Variants in LYST observed in about 807,000 individuals in gnomAD.
The protein encoded by LYST is lysosomal-trafficking regulator.
In LYST, 192 loss-of-function variants were observed where a neutral mutation model predicts 413.6. The observed-to-expected ratio is 0.46, with a 90% CI of 0.41 to 0.52. The LOEUF (loss-of-function observed/expected upper bound fraction) is 0.52, where lower values mean the gene tolerates loss of function less well. Among genes scored for constraint, LYST ranks in the 20% least tolerant of loss-of-function variants. LYST has a pLI of 0.00. For synonymous variants in LYST, 1,525 were observed against 1,567.3 expected, an observed-to-expected ratio of 0.97 and a Z score of 0.64; for missense variants, 3,815 against 4,499.9, an observed-to-expected ratio of 0.85 and a Z score of 4.35.
intron 12 of LYST, among the ~76,000 whole-genome samples, chr1:235,791,287 A>T (rs1670960853): frequency 6.6e-6 from 1 of 152,118 alleles, no homozygotes; most frequent in Non-Finnish European, 1.5e-5. Context: ...TCTCAAAAAA[A>T]AAGAGAGAGA....
chr1:235,751,857 G>T, intron 27 of LYST, 148 bp downstream of exon 27: 3 of 648,802 alleles, frequency 4.6e-6, no homozygotes, highest in Non-Finnish European at 7.7e-6. Flanking sequence ...GCCTTTTTAG[G>T]CTTCTTTTTA....
chr1:235,741,699 G>A, intron 30 of LYST, 71 bp from the exon 31 acceptor site: 1 of 1,103,768 alleles, frequency 9.1e-7, no homozygotes, highest in Non-Finnish European at 1.4e-6. Context: ...CCTCAACACA[G>A]CCCTAAAGAA....
Position 235,805,991 on chromosome 1 carries a change from G to T in LYST, c.3145C>A (p.Pro1049Thr), listed in dbSNP as rs1442783633. The change falls in exon 6 of 53, where the codon CCA becomes ACA. Residue 1049 changes from proline (P) to threonine (T), a missense_variant. Around this residue, in one of 4 missense-constraint regions of LYST, gnomAD observed 1,648 missense variants for 1,810.3 expected, o/e 0.91. Coordinates refer to ENST00000389793, the MANE Select transcript of LYST (RefSeq NM_000081.4). ...LSLAIKSDPI[P>T]SELGSLKKSA... ...TTTTTTAGACTACCTAGTTCTGATGGTATGGGGTCACTTTTTATAGCCAAA... is the reference window on the plus strand; with the variant it reads ...TTTTTTAGACTACCTAGTTCTGATGTTATGGGGTCACTTTTTATAGCCAAA... The T allele has an allele frequency of 1.2e-6, 2 of 1,613,544 alleles. No individual in the cohort carries two copies. Among genetic ancestry groups the T allele is most frequent in the Non-Finnish European group, 1.7e-6 (2 of 1,179,718 alleles).
At chr1:235,741,774 T>G (rs905197087) in intron 30 of LYST, 146 bp from the exon 31 acceptor site, 2 of 685,518 alleles carry the variant, frequency 2.9e-6, no homozygotes, top group Non-Finnish European at 5.2e-6. Flanking sequence ...GATATACATA[T>G]CCATACACAT....
chr1:235,701,191 A>G (rs1488328108), intron 45 of LYST, among the ~76,000 whole-genome samples: 2 of 152,222 alleles, frequency 1.3e-5, no homozygotes, highest in Non-Finnish European at 2.9e-5. Flanking sequence ...GTGGGAATGA[A>G]GCAGGCTGGT....
chr1:235,867,950 C>T (rs1024127456), upstream of LYST, among the ~76,000 whole-genome samples: 2 of 152,170 alleles, frequency 1.3e-5, no homozygotes, highest in African/African-American at 2.4e-5. Flanking sequence ...TGTCCCAAGC[C>T]TATATACCAA....
chr1:235,837,769 G>T (rs1417048511), intron 1 of LYST, among the ~76,000 whole-genome samples: 2 of 152,018 alleles, frequency 1.3e-5, no homozygotes, highest in Non-Finnish European at 2.9e-5. Flanking sequence ...GTGAGGAAAT[G>T]AAGGCAAGCA....
intron 48 of LYST, among the ~76,000 whole-genome samples, chr1:235,681,356 G>A (rs1032844744): frequency 6.6e-6 from 1 of 152,146 alleles, no homozygotes; most frequent in Non-Finnish European, 1.5e-5. Context: ...AGGTAGAGGG[G>A]GCAGTGAGGC....
intron 25 of LYST, among the ~76,000 whole-genome samples, chr1:235,755,243 G>T (rs1462105109): frequency 6.6e-6 from 1 of 151,872 alleles, no homozygotes; most frequent in Non-Finnish European, 1.5e-5. Flanking sequence ...CAAAAAACTA[G>T]CCGGGCATGG....
chr1:235,788,940 T>C (rs1400150251), intron 12 of LYST, 95 bp from the exon 13 acceptor site: 5 of 1,100,192 alleles, frequency 4.5e-6, no homozygotes, highest in Non-Finnish European at 6.9e-6. Flanking sequence ...ATTTGTTCAT[T>C]TGTAGTAGGT....
At chr1:235,774,290 T>C (rs1446023914) in intron 18 of LYST, among the ~76,000 whole-genome samples, 2 of 152,274 alleles carry the variant, frequency 1.3e-5, no homozygotes, top group East Asian at 3.9e-4. Context: ...TAAAACGTTT[T>C]CAAAAAAGTA....
intron 41 of LYST, among the ~76,000 whole-genome samples, chr1:235,715,652 G>T (rs1174700439): frequency 6.6e-6 from 1 of 152,086 alleles, no homozygotes; most frequent in South Asian, 2.1e-4. Flanking sequence ...CTAACTAATG[G>T]CTCATAATGT....
At chr1:235,669,998 AACTATGTC>A (rs1435589136) in intron 50 of LYST, among the ~76,000 whole-genome samples, 1 of 152,128 alleles carries the variant, frequency 6.6e-6, no homozygotes, top group East Asian at 1.9e-4. Context: ...TGGTGAACAC[AACTATGTC>A]AGAAATAATA....
At position 235,746,439 on chromosome 1, in the gene LYST, T is replaced by C. The variant is rs767552471; in HGVS notation, c.7869A>G (p.Gln2623=). The C allele has an allele frequency of 5.6e-6, 9 of 1,613,952 alleles. 1 individual carries two copies. Among genetic ancestry groups the C allele is most frequent in the Middle Eastern group, 1.7e-4 (1 of 6,060 alleles). ...VANDELHVMM[Q]RRMSQENPSQ... ...TAGGGTTCTCTTGGCTCATTCTCCG[T>C]TGCATCATCACATGAAGCTCATCAT... Residue 2623 remains glutamine (Q), a synonymous_variant, in exon 29 of 53, where the codon CAA becomes CAG. Coordinates refer to ENST00000389793, the MANE Select transcript of LYST (RefSeq NM_000081.4).
intron 19 of LYST, among the ~76,000 whole-genome samples, chr1:235,770,724 C>T (rs1223892818): frequency 6.6e-6 from 1 of 152,130 alleles, no homozygotes; most frequent in East Asian, 1.9e-4. Flanking sequence ...TAGAGCAAAT[C>T]ATACTAAATT....
chr1:235,713,037 A>G (rs1176740725), intron 42 of LYST: 10 of 985,382 alleles, frequency 1.0e-5, no homozygotes, highest in Non-Finnish European at 1.1e-5. Flanking sequence ...TTTCATTTGG[A>G]GACTGCCACA....
rs1662217033 is a variant in LYST, at chr1:235,709,258, G to C, written c.9976C>G (p.Leu3326Val). Residue 3326 changes from leucine (L) to valine (V), a missense_variant, in exon 44 of 53, where the codon CTT (leucine) becomes GTT (valine). Leu to Val is a conservative substitution (Grantham distance 32, BLOSUM62 1). This residue lies in a region of LYST where 866 missense variants were observed against 1,156.0 expected (regional missense o/e 0.75). Coordinates refer to ENST00000389793, the MANE Select transcript of LYST (RefSeq NM_000081.4). ...QNGERVNHVN[L>V]PPWARNDPRL... ...GGATCATTACGCGCCCAAGGGGGAA[G>C]GTTGACGTGATTAACCCGTTCACCA... The C allele has an allele frequency of 6.2e-7, 1 of 1,614,112 alleles. No individual in the cohort carries two copies.
At chr1:235,684,684 C>T (rs756652843) in intron 48 of LYST, among the ~76,000 whole-genome samples, 3 of 152,108 alleles carry the variant, frequency 2.0e-5, no homozygotes, top group Non-Finnish European at 4.4e-5. Context: ...GGTGTGGTCA[C>T]GGCTTACTGC....
chr1:235,746,299 A>G, intron 29 of LYST, 37 bp downstream of exon 29: 1 of 1,579,814 alleles, frequency 6.3e-7, no homozygotes, highest in Non-Finnish European at 8.7e-7. Context: ...TTTCATTTTA[A>G]AATCTGAGGA....
Sources: gnomAD v4.1 joint callset for allele counts (sites outside exome capture counted in the v4.1 genomes callset) on GRCh38, gnomAD v4.1.1 for gene constraint, gnomAD v4.1.1 regional missense constraint, MANE v1.5 for transcripts, NCBI Gene and HGNC (gene_info 2026-07-23, HGNC 2026-07-21) for gene names.